Variants in NAALADL2 observed in about 807,000 individuals in gnomAD.
NAALADL2 encodes the protein inactive N-acetylated-alpha-linked acidic dipeptidase-like protein 2.
Under a neutral mutation model 87.2 loss-of-function variants are expected in NAALADL2, and 76 were observed. The observed-to-expected ratio is 0.87, with a 90% CI of 0.72 to 1.05. The LOEUF (loss-of-function observed/expected upper bound fraction) is 1.05. NAALADL2 is among the 50% of genes least tolerant of loss of function. The pLI is 0.00. For missense variants in NAALADL2, 1,089 were observed against 945.8 expected (o/e 1.15, Z -1.99); for synonymous variants, 354 against 331.0 (o/e 1.07, Z -0.75).
At chr3:175,041,532 C>A (rs184219087) in intron 1 of NAALADL2, among the ~76,000 whole-genome samples, 3 of 152,238 alleles carry the variant, frequency 2.0e-5, no homozygotes, top group African/African-American at 4.8e-5. Flanking sequence ...TCTTAGTAAT[C>A]TTCTGCTCAT....
chr3:175,379,184 C>CCT (rs1581654125), intron 5 of NAALADL2, among the ~76,000 whole-genome samples: 2 of 129,488 alleles, frequency 1.5e-5, no homozygotes, highest in African/African-American at 6.5e-5. Flanking sequence ...CCTGTTTCTT[C>CCT]CTCTCTCTTT....
At chr3:175,030,954 C>A (rs1160770085) in intron 1 of NAALADL2, among the ~76,000 whole-genome samples, 1 of 151,898 alleles carries the variant, frequency 6.6e-6, no homozygotes, top group Admixed American at 6.6e-5. Flanking sequence ...GACAACCCTG[C>A]ACCCTGCAAG....
intron 1 of NAALADL2, among the ~76,000 whole-genome samples, chr3:175,038,190 C>T (rs961984873): frequency 1.3e-5 from 2 of 151,794 alleles, no homozygotes; most frequent in Non-Finnish European, 2.9e-5. Flanking sequence ...TTTAAGGATT[C>T]GTGGGAAGAA....
chr3:174,872,819 C>G (rs1728007171), intron 1 of NAALADL2, among the ~76,000 whole-genome samples: 1 of 152,004 alleles, frequency 6.6e-6, no homozygotes, highest in Non-Finnish European at 1.5e-5. Flanking sequence ...TTTTCAGTAC[C>G]TAATTAAAGG....
chr3:175,427,781 G>C (rs183267977), intron 5 of NAALADL2, among the ~76,000 whole-genome samples: 90 of 123,480 alleles, frequency 7.3e-4, no homozygotes, highest in African/African-American at 2.5e-3. Flanking sequence ...TCTCCTCTAA[G>C]GTAGGAATAC....
intron 11 of NAALADL2, among the ~76,000 whole-genome samples, chr3:175,719,737 A>G (rs1741955166): frequency 6.6e-6 from 1 of 152,296 alleles, no homozygotes; most frequent in African/African-American, 2.4e-5. Flanking sequence ...TAGCTCATTC[A>G]GGCTGCTGTA....
intron 2 of NAALADL2, among the ~76,000 whole-genome samples, chr3:174,723,054 G>A (rs1461661006): frequency 2.6e-5 from 4 of 152,008 alleles, no homozygotes; most frequent in African/African-American, 9.7e-5. Flanking sequence ...TCATGGTGAA[G>A]AAAATAAAAA....
At chr3:175,695,633 G>A (rs1334264933) in intron 11 of NAALADL2, among the ~76,000 whole-genome samples, 3 of 152,090 alleles carry the variant, frequency 2.0e-5, no homozygotes, top group African/African-American at 7.2e-5. Context: ...ACTATAATGA[G>A]CAGCAACCAT....
intron 2 of NAALADL2, among the ~76,000 whole-genome samples, chr3:174,718,724 T>C (rs1319036594): frequency 2.0e-5 from 3 of 152,202 alleles, no homozygotes; most frequent in Non-Finnish European, 2.9e-5. Flanking sequence ...AATCCAGGGC[T>C]GTATCTTCCC....
chr3:175,346,311 C>T (rs1438541045), intron 5 of NAALADL2, among the ~76,000 whole-genome samples: 2 of 151,970 alleles, frequency 1.3e-5, no homozygotes, highest in Non-Finnish European at 2.9e-5. Context: ...AACACACACA[C>T]ATATGAATAT....
rs953253076 is a variant in NAALADL2 at position 175,534,799 on chromosome 3, A to G, written c.1654-41242A>G. On this transcript the variant is annotated intron_variant, in intron 9 of 13. Transcript: ENST00000454872. ...CATTTCTTTAGGATTTATTGGTTCT[A>G]TGATTGGTTTTCTTAGAGTCAGGTT... Among the ~76,000 whole-genome samples, 16 of 151,976 alleles carry G rather than the reference A, an allele frequency of 1.1e-4. No individual in the cohort carries two copies. In the South Asian group the frequency reaches 3.1e-3, roughly 30 times the overall value.
chr3:175,650,170 G>A (rs1459702552), intron 11 of NAALADL2, among the ~76,000 whole-genome samples: 3 of 151,600 alleles, frequency 2.0e-5, no homozygotes, highest in African/African-American at 2.4e-5. Context: ...ATGCTTCAAC[G>A]TGGGTGAACT....
rs142756153 is a variant in NAALADL2, at chr3:174,653,014, A to G, written c.-114-84627A>G. On this transcript the variant is annotated intron_variant, in intron 2 of 3. Transcript: ENST00000434257. ...AAACAAAAGCAAATTAAAATGCCACACTACACACTAACTGTAATGATTACA... is the reference window on the plus strand; with the variant it reads ...AAACAAAAGCAAATTAAAATGCCACGCTACACACTAACTGTAATGATTACA... Among the ~76,000 whole-genome samples the G allele has an allele frequency of 8.3e-3, 1,266 of 152,282 alleles. 10 individuals carry two copies. The highest frequency in any genetic ancestry group is 0.029 in the African/African-American group (1,199 of 41,554).
chr3:174,849,750 A>C (rs1725031392), intron 3 of NAALADL2, among the ~76,000 whole-genome samples: 1 of 151,312 alleles, frequency 6.6e-6, no homozygotes, highest in Non-Finnish European at 1.5e-5. Flanking sequence ...AAAAAAAAAA[A>C]AAAAAAAAAG....
In NAALADL2 at chr3:175,020,729, C is replaced by A. The variant is rs114632292; in HGVS notation, c.44-76061C>A. ...TCACTTTGATTCTGCCATACCAGTT[C>A]AGAAGTCACCAAAGGCTCTTCAGTA... On this transcript the variant is annotated intron_variant, in intron 1 of 13. Transcript: ENST00000454872. Among the ~76,000 whole-genome samples the A allele has an allele frequency of 3.3e-5, 5 of 152,152 alleles. No homozygotes were observed. The South Asian group carries it at 1.0e-3, about 32-fold the overall frequency.
At chr3:175,060,649 A>T (rs1020758428) in intron 1 of NAALADL2, among the ~76,000 whole-genome samples, 9 of 152,250 alleles carry the variant, frequency 5.9e-5, no homozygotes, top group African/African-American at 2.2e-4. Context: ...ATTAAAGCCA[A>T]TAGCCGTACT....
At chr3:175,711,013 A>C (rs1387742930) in intron 11 of NAALADL2, among the ~76,000 whole-genome samples, 3 of 151,934 alleles carry the variant, frequency 2.0e-5, no homozygotes. Flanking sequence ...TTTAGCATTT[A>C]CCTCCAAAAT....
chr3:175,378,861 G>A (rs1767460725), intron 5 of NAALADL2, among the ~76,000 whole-genome samples: 1 of 152,168 alleles, frequency 6.6e-6, no homozygotes. Context: ...GCTAAGAGTA[G>A]ATAAACTTTA....
chr3:175,737,714 G>GTTTTTTTTT lies in NAALADL2; in HGVS notation c.1990+337_1990+345dup, dbSNP rs71164650. Among the ~76,000 whole-genome samples the GTTTTTTTTT allele has an allele frequency of 4.3e-3, 235 of 54,756 alleles. 46 individuals carry two copies. Among genetic ancestry groups the GTTTTTTTTT allele is most frequent in the African/African-American group, 6.7e-3 (81 of 12,160 alleles). 35.9% of individuals were successfully genotyped at this position (54,756 alleles called of 152,430 possible). ...TAGAATAATACAGTTCAATGATCCAGTTTTTTTTTTTTTTTTTTTTTTTTT... is the reference window on the plus strand; with the variant it reads ...TAGAATAATACAGTTCAATGATCCAGTTTTTTTTTTTTTTTTTTTTTTTTTTTTTTTTTT... On this transcript the variant is annotated intron_variant, in intron 12 of 13. Transcript: ENST00000454872.
Sources: gnomAD v4.1 joint callset for allele counts (sites outside exome capture counted in the v4.1 genomes callset) on GRCh38, gnomAD v4.1.1 for gene constraint, MANE v1.5 for transcripts, NCBI Gene and HGNC (gene_info 2026-07-23, HGNC 2026-07-21) for gene names.